Variants in MIGA2 observed in about 807,000 individuals in gnomAD.
MIGA2 encodes mitoguardin 2.
In MIGA2, 36 loss-of-function variants were observed where a neutral mutation model predicts 69.9. That is an observed-to-expected ratio of 0.52 (90% CI 0.39 to 0.68). The LOEUF is 0.68. MIGA2 is among the 30% of genes least tolerant of loss of function. The pLI, the probability that MIGA2 is intolerant of heterozygous loss-of-function variation, is 0.00. For missense variants in MIGA2, 660 were observed against 787.7 expected (o/e 0.84, Z 1.94); for synonymous variants, 333 against 349.2 (o/e 0.95, Z 0.52).
At chr9:129,062,531 CA>C (rs1161024946) in intron 9 of MIGA2, among the ~76,000 whole-genome samples, 882 of 42,532 alleles carry the variant, frequency 0.021, 4 homozygotes, top group East Asian at 0.064. Context: ...GACTCCATCT[CA>C]AAAAAAAAAA....
chr9:129,042,337 CT>C lies in MIGA2; in HGVS notation c.131del (p.Leu44ArgfsTer22). On this transcript the variant is annotated frameshift_variant, in exon 3 of 16. Coordinates refer to ENST00000684074, the MANE Select transcript of MIGA2 (RefSeq NM_001329990.2). LOFTEE classifies it high-confidence loss of function. ...AFSQLRLTPG[L>X]RKVLFATALG... ...CTCCCAGCTACGGTTGACGCCAGGC[CT>C]GCGGAAAGTCCTCTTTGCCACGGCC... is the stretch of plus-strand genomic sequence containing the variant. The C allele has an allele frequency of 6.2e-7, 1 of 1,612,906 alleles. No individual in the cohort carries two copies. Among genetic ancestry groups the C allele is most frequent in the African/African-American group, 1.3e-5 (1 of 75,024 alleles).
In MIGA2 at chr9:129,069,085, A is replaced by G; in HGVS notation, c.1414A>G (p.Thr472Ala). ...CCTATTTTTGATGTAGGCCTTGGCC[A>G]CTGCTTGCTGGTCGGTCCTGAAAGC... The part of the protein sequence containing the change: ...SDSFKETALA[T>A]ACWSVLKAKR... The change falls in exon 14 of 16, where the codon ACT becomes GCT. Residue 472 changes from threonine to alanine, a missense_variant. Around this residue, in one of 3 missense-constraint regions of MIGA2, gnomAD observed 220 missense variants for 301.7 expected, o/e 0.73. Transcript: ENST00000684074. The surrounding 1 kb of genome is among the most constrained non-coding windows in gnomAD (Gnocchi z 4.9). 6.2e-7 allele frequency: 1 copy of G among 1,613,964 alleles called. No homozygotes were observed. The highest frequency in any genetic ancestry group is 1.1e-5 in the South Asian group (1 of 91,072).
Position 129,068,409 on chromosome 9 carries a change from C to A in MIGA2, c.1404+77C>A. 6.4e-7 allele frequency: 1 copy of A among 1,571,378 alleles called. No individual in the cohort carries two copies. The highest frequency in any genetic ancestry group is 1.1e-5 in the South Asian group (1 of 87,692). ...GGTTGCCTGGCTCCGTCCCCTCTGT[C>A]CCTAGCACTGGCACCAGGGCTGGGC... On this transcript the variant is annotated intron_variant, in intron 13 of 15. Coordinates refer to ENST00000684074, the MANE Select transcript of MIGA2 (RefSeq NM_001329990.2). The surrounding 1 kb of genome is among the most constrained non-coding windows in gnomAD (Gnocchi z 4.1).
At position 129,042,084 on chromosome 9, in the gene MIGA2, C is replaced by T. The variant is rs572142277; in HGVS notation, c.97-220C>T. 32 of 579,268 alleles carry T rather than the reference C, an allele frequency of 5.5e-5. 1 individual carries two copies. Among genetic ancestry groups the T allele is most frequent in the East Asian group, 5.1e-4 (17 of 33,602 alleles). The allele number at this position is 579,268 out of a possible 1,614,324, so 35.9% of individuals were successfully genotyped here. A position where few individuals can be genotyped will look rare whatever the true frequency, so the allele number is the denominator to read the frequency against. On this transcript the variant is annotated intron_variant, in intron 2 of 15. Coordinates refer to ENST00000684074, the MANE Select transcript of MIGA2 (RefSeq NM_001329990.2). Reference sequence around the variant, plus strand: ...TGCTGGCCCCTAGACCTCACCTTCTCGGCACTGGCATCTTGCCATCTTTAT... The same window carrying T: ...TGCTGGCCCCTAGACCTCACCTTCTTGGCACTGGCATCTTGCCATCTTTAT...
chr9:129,036,663 C>G lies in MIGA2; in HGVS notation c.-162C>G, dbSNP rs1414106786. On this transcript the variant is annotated 5_prime_UTR_variant, in exon 1 of 16. Coordinates refer to ENST00000684074, the MANE Select transcript of MIGA2 (RefSeq NM_001329990.2). ...GCCGGGGAAGGAGACGCTGCCCTTC[C>G]GCAGCGATGGCATCCCGGGTGAGTA... The G allele has an allele frequency of 6.1e-6, 1 of 165,090 alleles. No homozygotes were observed. Among genetic ancestry groups the G allele is most frequent in the Non-Finnish European group, 1.5e-5 (1 of 68,240 alleles). The allele number at this position is 165,090 out of a possible 1,614,324, so 10.2% of individuals were successfully genotyped here.
chr9:129,063,560 A>G lies in MIGA2; in HGVS notation c.1099A>G (p.Lys367Glu). Residue 367 changes from lysine to glutamate, a missense_variant, in exon 11 of 16, where the codon AAG becomes GAG. Lys to Glu is a moderately conservative substitution (Grantham distance 56, BLOSUM62 1). Around this residue, in one of 3 missense-constraint regions of MIGA2, gnomAD observed 386 missense variants for 402.0 expected, o/e 0.96. Coordinates refer to ENST00000684074, the MANE Select transcript of MIGA2 (RefSeq NM_001329990.2). Reference protein sequence around the residue: ...RQAFEGLLEDKSNQLFFGKVG... With the variant: ...RQAFEGLLEDESNQLFFGKVG... ...CCTTCCCTAGGGGCTTCTGGAAGAC[A>G]AGAGTAACCAGCTTTTCTTCGGGAA... 1.9e-6 allele frequency: 3 copies of G among 1,612,588 alleles called. No homozygotes were observed. Among genetic ancestry groups the G allele is most frequent in the Non-Finnish European group, 2.5e-6 (3 of 1,179,190 alleles).
Position 129,067,721 on chromosome 9 carries a change from G to C in MIGA2, c.1171-52G>C. ...ATGTCCCCCATCCACAGGCCAGCCT[G>C]TCCCTGTGGGTCTTGTCCAGTGACC... On this transcript the variant is annotated intron_variant, in intron 11 of 15. Transcript: ENST00000684074. 2.0e-6 allele frequency: 3 copies of C among 1,528,564 alleles called. No individual in the cohort carries two copies. The South Asian group carries it at 3.5e-5, about 18-fold the overall frequency. 94.7% of individuals were successfully genotyped at this position (1,528,564 alleles called of 1,614,324 possible).
rs758982182 is a variant in MIGA2 at position 129,052,276 on chromosome 9, G to C, written c.675+2313G>C. On this transcript the variant is annotated intron_variant, in intron 6 of 15. Transcript: ENST00000684074. ...AAGCCAGAGTCAGAGGTGCCTGCCA[G>C]CACGCCCGGCTAATTTTTGTATTTT... 9.9e-4 allele frequency among the ~76,000 whole-genome samples: 150 copies of C among 151,688 alleles called. 2 individuals are homozygous for C. Among genetic ancestry groups the C allele is most frequent in the Non-Finnish European group, 1.8e-3 (119 of 67,866 alleles).
At chr9:129,051,812 T>TATAA (rs1845560124) in intron 6 of MIGA2, among the ~76,000 whole-genome samples, 9 of 148,178 alleles carry the variant, frequency 6.1e-5, no homozygotes, top group African/African-American at 2.3e-4. Context: ...TTAGCCAGGA[T>TATAA]GTAATTAATT....
At position 129,060,050 on chromosome 9, in the gene MIGA2, A is replaced by G. The variant is rs370130823; in HGVS notation, c.794-500A>G. Among the ~76,000 whole-genome samples, 46 of 152,190 alleles carry G rather than the reference A, an allele frequency of 3.0e-4. 1 individual carries two copies. Among genetic ancestry groups the G allele is most frequent in the African/African-American group, 1.1e-3 (44 of 41,526 alleles). ...GTGGCCTTTGCTTATTTGCTCGACAATCCTTTCCTGAGCACCCTTGGAGGT... is the reference window on the plus strand; with the variant it reads ...GTGGCCTTTGCTTATTTGCTCGACAGTCCTTTCCTGAGCACCCTTGGAGGT... On this transcript the variant is annotated intron_variant, in intron 7 of 15. Coordinates refer to ENST00000684074, the MANE Select transcript of MIGA2 (RefSeq NM_001329990.2). This position sits in a 1 kb window ranked among gnomAD's most constrained non-coding sequence, Gnocchi z 4.8.
chr9:129,068,021 C>G lies in MIGA2; in HGVS notation c.1269+150C>G. 2 of 1,271,046 alleles carry G rather than the reference C, an allele frequency of 1.6e-6. No homozygotes were observed. Among genetic ancestry groups the G allele is most frequent in the South Asian group, 2.6e-5 (2 of 75,770 alleles). The allele number at this position is 1,271,046 out of a possible 1,614,324, so 78.7% of individuals were successfully genotyped here. On this transcript the variant is annotated intron_variant, in intron 12 of 15. Coordinates refer to ENST00000684074, the MANE Select transcript of MIGA2 (RefSeq NM_001329990.2). This position sits in a 1 kb window ranked among gnomAD's most constrained non-coding sequence, Gnocchi z 4.1. ...CCCCGGTTCCTGCCCTGCCCCAGGC[C>G]AAGGCAGAGGGAGGAATGGCCTCAG...
intron 9 of MIGA2, among the ~76,000 whole-genome samples, chr9:129,062,603 C>T (rs1011506419): frequency 1.3e-5 from 2 of 149,992 alleles, no homozygotes; most frequent in African/African-American, 2.5e-5. Flanking sequence ...CAGCACTTTG[C>T]GAGGCCAAAG....
Position 129,071,067 on chromosome 9 carries a change from C to T in MIGA2, c.*614C>T, listed in dbSNP as rs1846651504. ...CCCTTGACAGTGTCCTTTGACATTC[C>T]CTCGCCCTACCAAAGATCGTCTTTT... On this transcript the variant is annotated 3_prime_UTR_variant, in exon 16 of 16. Coordinates refer to ENST00000684074, the MANE Select transcript of MIGA2 (RefSeq NM_001329990.2). 1.3e-5 allele frequency: 2 copies of T among 152,688 alleles called. No individual in the cohort carries two copies. Among genetic ancestry groups the T allele is most frequent in the African/African-American group, 4.8e-5 (2 of 41,464 alleles). The allele number at this position is 152,688 out of a possible 1,614,324, so 9.5% of individuals were successfully genotyped here.
intron 9 of MIGA2, among the ~76,000 whole-genome samples, chr9:129,062,607 G>T (rs965355907): frequency 6.6e-6 from 1 of 151,662 alleles, no homozygotes; most frequent in South Asian, 2.1e-4. Flanking sequence ...ACTTTGCGAG[G>T]CCAAAGCAGG....
At chr9:129,050,863 A>G (rs1588386304) in intron 6 of MIGA2, among the ~76,000 whole-genome samples, 2 of 145,092 alleles carry the variant, frequency 1.4e-5, no homozygotes, top group Admixed American at 1.4e-4. Flanking sequence ...GAGCCACTGC[A>G]CCCTTTTTTT....
At position 129,072,070 on chromosome 9, in the gene MIGA2, C is replaced by T. The variant is rs1439115237; in HGVS notation, c.*1617C>T. On this transcript the variant is annotated 3_prime_UTR_variant, in exon 16 of 16. Transcript: ENST00000684074. ...CTGTGAGTCGAATAAACAATTGAGA[C>T]GATTTCCTTCCACTTTGCCATGTTG... The T allele has an allele frequency of 1.3e-5, 2 of 152,590 alleles. No homozygotes were observed. Among genetic ancestry groups the T allele is most frequent in the Admixed American group, 6.5e-5 (1 of 15,290 alleles). The allele number at this position is 152,590 out of a possible 1,614,324, so 9.5% of individuals were successfully genotyped here. A position where few individuals can be genotyped will look rare whatever the true frequency, so the allele number is the denominator to read the frequency against.
intron 3 of MIGA2, among the ~76,000 whole-genome samples, chr9:129,043,245 T>C (rs1294180492): frequency 6.6e-6 from 1 of 152,152 alleles, no homozygotes; most frequent in East Asian, 1.9e-4. Context: ...ATTCGTACTT[T>C]TTAGCATACT....
intron 3 of MIGA2, among the ~76,000 whole-genome samples, chr9:129,046,882 G>A (rs1016047213): frequency 3.1e-4 from 47 of 151,766 alleles, no homozygotes; most frequent in African/African-American, 1.1e-3. Flanking sequence ...AGGATCAAGC[G>A]ATTCTCCTGC....
chr9:129,044,213 C>T (rs752683159), intron 3 of MIGA2, among the ~76,000 whole-genome samples: 8 of 147,018 alleles, frequency 5.4e-5, no homozygotes, highest in Non-Finnish European at 1.2e-4. Context: ...AGGCTGGTCT[C>T]GAACTCCTGA....
Sources: gnomAD v4.1 joint callset for allele counts (sites outside exome capture counted in the v4.1 genomes callset) on GRCh38, gnomAD v4.1.1 for gene constraint, gnomAD v4.1.1 regional missense constraint, Gnocchi (gnomAD v3.1) non-coding constraint, MANE v1.5 for transcripts, NCBI Gene and HGNC (gene_info 2026-07-23, HGNC 2026-07-21) for gene names.